Variants in HARBI1 observed in about 807,000 individuals in gnomAD.
The protein encoded by HARBI1 is harbinger transposase derived 1.
HARBI1 carries 15 observed loss-of-function variants against 25.3 expected under a neutral mutation model. That is an observed-to-expected ratio of 0.59 (90% CI 0.40 to 0.91). The LOEUF (loss-of-function observed/expected upper bound fraction) is 0.91, where lower values mean the gene tolerates loss of function less well. Among genes scored for constraint, HARBI1 ranks in the 40% least tolerant of loss-of-function variants. HARBI1 has a pLI of 0.00. For synonymous variants in HARBI1, 168 were observed against 160.5 expected, an observed-to-expected ratio of 1.05 and a Z score of -0.35; for missense variants, 396 against 445.8, an observed-to-expected ratio of 0.89 and a Z score of 1.01.
At chr11:46,609,611 G>A (rs897913580) in intron 2 of HARBI1, among the ~76,000 whole-genome samples, 12 of 152,082 alleles carry the variant, frequency 7.9e-5, no homozygotes, top group Non-Finnish European at 1.5e-4. Context: ...CACCACGCCC[G>A]GCCTGAGGAA....
In HARBI1 at chr11:46,616,039, T is replaced by C. The variant is rs764226942; in HGVS notation, c.199A>G (p.Ile67Val). The C allele has an allele frequency of 3.7e-6, 6 of 1,614,116 alleles. No individual in the cohort carries two copies. Among genetic ancestry groups the C allele is most frequent in the African/African-American group, 2.7e-5 (2 of 74,948 alleles). Reference sequence around the variant, plus strand: ...GCAAGGACCTGTGTCTCTGGGCTAATAGCCCTGGATCGCTGAGTAGGCCTA... The same window carrying C: ...GCAAGGACCTGTGTCTCTGGGCTAACAGCCCTGGATCGCTGAGTAGGCCTA... ...LSRPTQRSRAISPETQVLAAL... is the reference protein window; with the variant it reads ...LSRPTQRSRAVSPETQVLAAL... Residue 67 changes from isoleucine to valine, a missense_variant, in exon 2 of 3, where the codon ATT (isoleucine) becomes GTT (valine). Physicochemically the swap from Ile to Val is conservative, Grantham distance 29. Transcript: ENST00000326737.
chr11:46,604,652 C>G, intron 2 of HARBI1: 3 of 985,010 alleles, frequency 3.0e-6, no homozygotes, highest in Non-Finnish European at 3.6e-6. Context: ...TCATGGACTA[C>G]AGTAATTTAT....
chr11:46,605,680 C>T (rs951421809), intron 2 of HARBI1, among the ~76,000 whole-genome samples: 16 of 149,932 alleles, frequency 1.1e-4, no homozygotes, highest in African/African-American at 3.9e-4. Flanking sequence ...CTCCACCTCC[C>T]AGGTTTAAGC....
intron 2 of HARBI1, among the ~76,000 whole-genome samples, chr11:46,615,188 A>G (rs1490799533): frequency 6.7e-6 from 1 of 149,760 alleles, no homozygotes; most frequent in Admixed American, 6.7e-5. Flanking sequence ...CTAGGATAAC[A>G]GGCATGAGCT....
In HARBI1 at chr11:46,603,434, A is replaced by G; in HGVS notation, c.*96T>C. 9.3e-7 allele frequency: 1 copy of G among 1,073,226 alleles called. No homozygotes were observed. Among genetic ancestry groups the G allele is most frequent in the Non-Finnish European group, 1.4e-6 (1 of 732,324 alleles). The allele number at this position is 1,073,226 out of a possible 1,614,324, so 66.5% of individuals were successfully genotyped here. A position where few individuals can be genotyped will look rare whatever the true frequency, so the allele number is the denominator to read the frequency against. On this transcript the variant is annotated 3_prime_UTR_variant, in exon 3 of 3. Coordinates refer to ENST00000326737, the MANE Select transcript of HARBI1 (RefSeq NM_173811.4). ...GTCAGTTTATGACAAGTATCTGTAT[A>G]CTCAGTCATGCTAGATGATGGAACT...
At chr11:46,604,703 T>C in intron 2 of HARBI1, 4 of 985,344 alleles carry the variant, frequency 4.1e-6, no homozygotes, top group Non-Finnish European at 4.8e-6. Context: ...GTCCGAGCAC[T>C]TATGGCAGAG....
chr11:46,605,133 T>C (rs1376267605), intron 2 of HARBI1, among the ~76,000 whole-genome samples: 1 of 152,174 alleles, frequency 6.6e-6, no homozygotes, highest in East Asian at 1.9e-4. Context: ...TGCCCCACCA[T>C]CAATTTCAGT....
At chr11:46,606,758 ACACCCTCCTGAGTAGCTGGGATTACAGG>A (rs2044969048) in intron 2 of HARBI1, among the ~76,000 whole-genome samples, 1 of 151,510 alleles carries the variant, frequency 6.6e-6, no homozygotes, top group Non-Finnish European at 1.5e-5. Context: ...TCCTCCCAAC[ACACCCTCCTGAGTAGCTGGGATTACAGG>A]CACATGCCAC....
chr11:46,608,891 A>G (rs1324281936), intron 2 of HARBI1, among the ~76,000 whole-genome samples: 1 of 150,368 alleles, frequency 6.7e-6, no homozygotes, highest in East Asian at 2.0e-4. Flanking sequence ...CTGGGATTAC[A>G]GGCTTGAGCC....
chr11:46,611,688 G>A (rs1360226982), intron 2 of HARBI1, among the ~76,000 whole-genome samples: 1 of 151,110 alleles, frequency 6.6e-6, no homozygotes, highest in African/African-American at 2.4e-5. Context: ...TCCAGCCTGG[G>A]TGACAGAGTG....
intron 2 of HARBI1, 161 bp from the exon 3 acceptor site, chr11:46,604,070 A>T (rs2044848867): frequency 1.0e-6 from 1 of 985,342 alleles, no homozygotes; most frequent in Non-Finnish European, 1.2e-6. Flanking sequence ...GGTAAAAAGA[A>T]ATCATGCCAA....
chr11:46,616,831 CAAAAAAAAAAAAAAAAAA>C (rs749013239), intron 1 of HARBI1: 25 of 605,090 alleles, frequency 4.1e-5, no homozygotes, highest in South Asian at 8.1e-5. Flanking sequence ...AAAGAAGGGG[CAAAAAAAAAAAAAAAAAA>C]AAAAAAAAAA....
Position 46,603,643 on chromosome 11 carries a change from G to T in HARBI1, c.937C>A (p.Pro313Thr), listed in dbSNP as rs1267076769. 6.2e-7 allele frequency: 1 copy of T among 1,614,176 alleles called. No homozygotes were observed. The highest frequency in any genetic ancestry group is 2.2e-5 in the East Asian group (1 of 44,878). ...GGCTGTTCCATGGGTCCTGTCATTG[G>T]AGAGGACCAAACATCCATCCCATGC... Reference protein sequence around the residue: ...LEHGMDVWSSPMTGPMEQPPE... With the variant: ...LEHGMDVWSSTMTGPMEQPPE... Residue 313 changes from proline to threonine, a missense_variant, in exon 3 of 3, where the codon CCA (proline) becomes ACA (threonine). Transcript: ENST00000326737.
Position 46,615,847 on chromosome 11 carries a change from G to C in HARBI1, c.391C>G (p.Leu131Val). 2 of 1,614,214 alleles carry C rather than the reference G, an allele frequency of 1.2e-6. No individual in the cohort carries two copies. Among genetic ancestry groups the C allele is most frequent in the Admixed American group, 3.3e-5 (2 of 60,018 alleles). ...FPADEASIQA[L>V]KDEFYGLAGM... ...GCCAACCCATAGAATTCATCCTTCAGAGCCTGAATGGAGGCTTCATCAGCT... is the reference window on the plus strand; with the variant it reads ...GCCAACCCATAGAATTCATCCTTCACAGCCTGAATGGAGGCTTCATCAGCT... Residue 131 changes from leucine to valine, a missense_variant, in exon 2 of 3, where the codon CTG (leucine) becomes GTG (valine). Transcript: ENST00000326737.
At chr11:46,610,634 G>A (rs2045143372) in intron 2 of HARBI1, among the ~76,000 whole-genome samples, 1 of 152,090 alleles carries the variant, frequency 6.6e-6, no homozygotes, top group Non-Finnish European at 1.5e-5. Context: ...CACTCCAGCT[G>A]GGCGACAGAG....
Position 46,616,831 on chromosome 11 carries a change from C to CAAAAAAAAAAAAAA in HARBI1, c.-145+279_-145+292dup, listed in dbSNP as rs749013239. The stretch of plus-strand genomic sequence containing the variant: ...ACCAGTCTAACAAGAAAAGAAGGGG[C>CAAAAAAAAAAAAAA]AAAAAAAAAAAAAAAAAAAAAAAAA... On this transcript the variant is annotated intron_variant, in intron 1 of 2. Transcript: ENST00000326737. 4.7e-3 allele frequency: 2,864 copies of CAAAAAAAAAAAAAA among 604,402 alleles called. 1 individual carries two copies. Among genetic ancestry groups the CAAAAAAAAAAAAAA allele is most frequent in the African/African-American group, 5.6e-3 (83 of 14,866 alleles). 37.4% of individuals were successfully genotyped at this position (604,402 alleles called of 1,614,324 possible).
At chr11:46,605,263 G>C (rs2044894209) in intron 2 of HARBI1, among the ~76,000 whole-genome samples, 2 of 152,208 alleles carry the variant, frequency 1.3e-5, no homozygotes, top group African/African-American at 4.8e-5. Context: ...ACCCAGGCTG[G>C]AATGCAGTGG....
At chr11:46,609,182 CA>C (rs974904365) in intron 2 of HARBI1, among the ~76,000 whole-genome samples, 3 of 152,108 alleles carry the variant, frequency 2.0e-5, no homozygotes, top group African/African-American at 7.2e-5. Context: ...CCTTGGCCTC[CA>C]AAAGTGCTGG....
intron 1 of HARBI1, 100 bp downstream of exon 1, chr11:46,617,024 G>A (rs1047608312): frequency 3.0e-6 from 3 of 985,062 alleles, no homozygotes; most frequent in Admixed American, 6.2e-5. Context: ...GGCCGAACCA[G>A]GTTTGGGAAG....
Sources: gnomAD v4.1 joint callset for allele counts (sites outside exome capture counted in the v4.1 genomes callset) on GRCh38, gnomAD v4.1.1 for gene constraint, MANE v1.5 for transcripts, NCBI Gene and HGNC (gene_info 2026-07-23, HGNC 2026-07-21) for gene names.